TCF7L2: variants seen among roughly 807,000 people sequenced by gnomAD.
TCF7L2 encodes the protein transcription factor 7 like 2.
TCF7L2 carries 23 observed loss-of-function variants against 77.9 expected under a neutral mutation model. The observed-to-expected ratio is 0.30, with a 90% confidence interval of 0.21 to 0.42. TCF7L2 has a LOEUF of 0.42. TCF7L2 is among the 10% of genes least tolerant of loss of function. TCF7L2 has a pLI of 1.00. For missense variants in TCF7L2, 654 were observed against 793.1 expected (o/e 0.82, Z 2.11); for synonymous variants, 413 against 340.2 (o/e 1.21, Z -2.36).
intron 3 of TCF7L2, among the ~76,000 whole-genome samples, chr10:112,952,535 T>C (rs1262294059): frequency 2.0e-5 from 3 of 152,154 alleles, no homozygotes; most frequent in African/African-American, 4.8e-5. Context: ...TGTGTATTTC[T>C]AGGGAATTTT....
chr10:113,104,920 C>T (rs999618477), intron 5 of TCF7L2, among the ~76,000 whole-genome samples: 6 of 152,174 alleles, frequency 3.9e-5, no homozygotes, highest in Non-Finnish European at 8.8e-5. Context: ...ACTCAGCCCC[C>T]GCTTATTCAA....
chr10:113,042,250 C>G (rs2052587089), intron 5 of TCF7L2, among the ~76,000 whole-genome samples: 1 of 152,176 alleles, frequency 6.6e-6, no homozygotes, highest in South Asian at 2.1e-4. Context: ...CACCTTTTTC[C>G]TCTGCTGTGT....
chr10:112,971,438 A>G (rs2038215445), intron 4 of TCF7L2, among the ~76,000 whole-genome samples: 1 of 151,892 alleles, frequency 6.6e-6, no homozygotes, highest in African/African-American at 2.4e-5. Flanking sequence ...CCTTTTGAGT[A>G]GCTGGGATTA....
intron 5 of TCF7L2, among the ~76,000 whole-genome samples, chr10:113,062,016 C>T (rs897004603): frequency 1.3e-5 from 2 of 152,090 alleles, no homozygotes; most frequent in Non-Finnish European, 2.9e-5. Context: ...AAAGGCAAGG[C>T]GATTTTCATT....
chr10:113,029,870 C>G (rs1296847368), intron 4 of TCF7L2, among the ~76,000 whole-genome samples: 1 of 152,106 alleles, frequency 6.6e-6, no homozygotes, highest in African/African-American at 2.4e-5. Context: ...TGGTCACCAT[C>G]AAAGATGGTG....
chr10:112,981,538 G>C (rs2135218568), intron 4 of TCF7L2, among the ~76,000 whole-genome samples: 1 of 152,206 alleles, frequency 6.6e-6, no homozygotes, highest in East Asian at 1.9e-4. Flanking sequence ...CATAAATTGA[G>C]AGTTTGGTGT....
At chr10:113,098,851 C>T (rs2061337899) in intron 5 of TCF7L2, among the ~76,000 whole-genome samples, 1 of 152,222 alleles carries the variant, frequency 6.6e-6, no homozygotes, top group Non-Finnish European at 1.5e-5. Flanking sequence ...TCGCCCTGTA[C>T]ATGTCCTGTT....
intron 5 of TCF7L2, among the ~76,000 whole-genome samples, chr10:113,136,583 A>G (rs1416261336): frequency 6.6e-6 from 1 of 152,104 alleles, no homozygotes; most frequent in Non-Finnish European, 1.5e-5. Flanking sequence ...TTGTATCCCC[A>G]TGTAGTTTTG....
At chr10:113,092,294 T>C (rs1564883509) in intron 5 of TCF7L2, among the ~76,000 whole-genome samples, 1 of 152,144 alleles carries the variant, frequency 6.6e-6, no homozygotes, top group Non-Finnish European at 1.5e-5. Context: ...ATAGGTGAGG[T>C]ACAAAGATGC....
intron 4 of TCF7L2, among the ~76,000 whole-genome samples, chr10:113,035,636 A>G (rs2051052978): frequency 1.3e-5 from 2 of 152,202 alleles, no homozygotes; most frequent in South Asian, 2.1e-4. Context: ...GCCTTAAGCA[A>G]TCTTCCGGCC....
Position 113,166,031 on chromosome 10 carries a change from G to A in TCF7L2, c.*59G>A, listed in dbSNP as rs529913198. The A allele has an allele frequency of 1.9e-5, 26 of 1,396,438 alleles. No individual in the cohort carries two copies. The Admixed American group carries it at 2.9e-4, about 16-fold the overall frequency. The allele number at this position is 1,396,438 out of a possible 1,614,324, so 86.5% of individuals were successfully genotyped here. A position where few individuals can be genotyped will look rare whatever the true frequency, so the allele number is the denominator to read the frequency against. ...GGTTTTGTTTCACTTTTCTTAATTTGCCCCCCACCCCCACCTTGAAAGGTT... is the reference window on the plus strand; with the variant it reads ...GGTTTTGTTTCACTTTTCTTAATTTACCCCCCACCCCCACCTTGAAAGGTT... On this transcript the variant is annotated 3_prime_UTR_variant, in exon 14 of 14. Transcript: ENST00000627217.
At chr10:113,016,943 C>T (rs140636786) in intron 4 of TCF7L2, among the ~76,000 whole-genome samples, 72 of 152,042 alleles carry the variant, frequency 4.7e-4, no homozygotes, top group African/African-American at 1.6e-3. Flanking sequence ...TCTCTCTGCC[C>T]GGAGGCTCAG....
intron 11 of TCF7L2, among the ~76,000 whole-genome samples, chr10:113,154,874 A>G (rs1228546277): frequency 2.0e-5 from 3 of 152,192 alleles, no homozygotes; most frequent in Non-Finnish European, 4.4e-5. Context: ...GGGTGTGAAC[A>G]CACACACTCA....
At chr10:113,149,945 A>G (rs115162293) in intron 8 of TCF7L2, among the ~76,000 whole-genome samples, 299 of 152,328 alleles carry the variant, frequency 2.0e-3, no homozygotes, top group African/African-American at 7.0e-3. Flanking sequence ...TGAGTCTTCC[A>G]ACCCAGTACA....
At chr10:113,156,595 A>G (rs1325261243) in intron 11 of TCF7L2, among the ~76,000 whole-genome samples, 1 of 152,326 alleles carries the variant, frequency 6.6e-6, no homozygotes, top group East Asian at 1.9e-4. Flanking sequence ...GGGAGGGAGA[A>G]CTAGTCCAAT....
At chr10:113,086,458 C>G (rs1459703464) in intron 5 of TCF7L2, among the ~76,000 whole-genome samples, 1 of 152,066 alleles carries the variant, frequency 6.6e-6, no homozygotes, top group Non-Finnish European at 1.5e-5. Context: ...CCAGAGAGAT[C>G]TTATCTTTCC....
At chr10:113,152,881 C>T (rs979408293) in intron 11 of TCF7L2, among the ~76,000 whole-genome samples, 3 of 152,200 alleles carry the variant, frequency 2.0e-5, no homozygotes, top group Non-Finnish European at 4.4e-5. Context: ...CCAGGCCTTT[C>T]AGCAGGCCCT....
At chr10:113,112,502 A>G (rs2063261280) in intron 5 of TCF7L2, among the ~76,000 whole-genome samples, 1 of 152,218 alleles carries the variant, frequency 6.6e-6, no homozygotes, top group African/African-American at 2.4e-5. Flanking sequence ...AATTCCCTGT[A>G]GCAGCTTGGG....
In TCF7L2 at chr10:113,016,321, C is replaced by T. The variant is rs11196189; in HGVS notation, c.451-23704C>T. Among the ~76,000 whole-genome samples, 181 of 152,290 alleles carry T rather than the reference C, an allele frequency of 1.2e-3. 3 individuals carry two copies. In the East Asian group the frequency reaches 0.034, roughly 28 times the overall value. The stretch of plus-strand genomic sequence containing the variant: ...ACCTCAAGGGATCAGCCCACCTCGG[C>T]CTCCCGAAGTGCTGGGATTACAGGC... On this transcript the variant is annotated intron_variant, in intron 4 of 13. Transcript: ENST00000627217.
Sources: gnomAD v4.1 joint callset for allele counts (sites outside exome capture counted in the v4.1 genomes callset) on GRCh38, gnomAD v4.1.1 for gene constraint, MANE v1.5 for transcripts, NCBI Gene and HGNC (gene_info 2026-07-23, HGNC 2026-07-21) for gene names.